The following JMY variants were observed in gnomAD, a reference collection of about 807,000 sequenced individuals.
JMY encodes junction mediating and regulatory protein, p53 cofactor.
Under a neutral mutation model 103.3 loss-of-function variants are expected in JMY, and 46 were observed. That is an observed-to-expected ratio of 0.45 (90% CI 0.35 to 0.57). The LOEUF (loss-of-function observed/expected upper bound fraction) is 0.57. Among genes scored for constraint, JMY ranks in the 20% least tolerant of loss-of-function variants. The probability of loss-of-function intolerance (pLI) is 0.00; values close to 1 mark genes in which losing one functional copy is unlikely to be tolerated. For missense variants in JMY, 1,238 were observed against 1,255.2 expected, an observed-to-expected ratio of 0.99 and a Z score of 0.21; for synonymous variants, 526 against 489.3, an observed-to-expected ratio of 1.07 and a Z score of -0.99.
intron 2 of JMY, among the ~76,000 whole-genome samples, chr5:79,278,867 G>A (rs34523822): frequency 0.056 from 8,407 of 150,232 alleles, 533 homozygotes; most frequent in African/African-American, 0.15. Flanking sequence ...GGGCTCAAGC[G>A]ATTTGCCCAC....
In JMY at chr5:79,311,148, CTTT is replaced by C. The variant is rs35187257; in HGVS notation, c.1969-1240_1969-1238del. 4.0e-4 allele frequency among the ~76,000 whole-genome samples: 50 copies of C among 126,134 alleles called. No individual in the cohort carries two copies. The South Asian group carries it at 8.4e-3, about 21-fold the overall frequency. 82.7% of individuals were successfully genotyped at this position (126,134 alleles called of 152,430 possible). On this transcript the variant is annotated intron_variant, in intron 7 of 10. Coordinates refer to ENST00000396137, the MANE Select transcript of JMY (RefSeq NM_152405.5). ...TCAGAAAATTAGCCTACCACACCTT[CTTT>C]TTTTTTTTTTTTTTGGTAGAGATAG...
chr5:79,251,514 G>A (rs576808404), intron 1 of JMY, among the ~76,000 whole-genome samples: 32 of 152,078 alleles, frequency 2.1e-4, no homozygotes, highest in Non-Finnish European at 4.3e-4. Context: ...TAGGGAATCC[G>A]TCCCCTCAAG....
At chr5:79,300,908 A>G in intron 6 of JMY, 45 bp downstream of exon 6, 2 of 1,442,584 alleles carry the variant, frequency 1.4e-6, no homozygotes, top group Admixed American at 2.3e-5. Flanking sequence ...TTTTATCCGT[A>G]TCTACTAATC....
At chr5:79,278,635 G>A (rs1417191370) in intron 2 of JMY, among the ~76,000 whole-genome samples, 1 of 150,364 alleles carries the variant, frequency 6.7e-6, no homozygotes, top group Admixed American at 6.6e-5. Flanking sequence ...GGATGTGGTG[G>A]CACATGCCTA....
rs575484265 is a variant in JMY, at chr5:79,261,103, T to C, written c.1033-16807T>C. Among the ~76,000 whole-genome samples, 3 of 152,314 alleles carry C rather than the reference T, an allele frequency of 2.0e-5. No homozygotes were observed. The South Asian group carries it at 6.2e-4, about 32-fold the overall frequency. ...CAAAGGGAAAAGTTAAGCTGGGAAC[T>C]GGGTCACACAAACCTGTCCCTTTTG... On this transcript the variant is annotated intron_variant, in intron 1 of 10. Coordinates refer to ENST00000396137, the MANE Select transcript of JMY (RefSeq NM_152405.5).
intron 1 of JMY, among the ~76,000 whole-genome samples, chr5:79,277,034 G>A (rs1408075391): frequency 6.6e-6 from 1 of 152,066 alleles, no homozygotes; most frequent in Non-Finnish European, 1.5e-5. Flanking sequence ...ACTGCACCTG[G>A]CCTCATTCTT....
At chr5:79,249,980 C>T (rs1445348472) in intron 1 of JMY, among the ~76,000 whole-genome samples, 2 of 152,292 alleles carry the variant, frequency 1.3e-5, no homozygotes, top group African/African-American at 4.8e-5. Flanking sequence ...TAACTATATA[C>T]CTACATCATA....
intron 1 of JMY, among the ~76,000 whole-genome samples, chr5:79,243,550 T>C (rs1005596891): frequency 3.9e-5 from 6 of 152,196 alleles, no homozygotes; most frequent in African/African-American, 1.4e-4. Flanking sequence ...TGAGGACATA[T>C]GGGAGCTGTA....
At chr5:79,246,738 G>A (rs1744916424) in intron 1 of JMY, among the ~76,000 whole-genome samples, 1 of 152,056 alleles carries the variant, frequency 6.6e-6, no homozygotes, top group African/African-American at 2.4e-5. Context: ...AAAATTAGCT[G>A]GGTGTGGTGT....
intron 1 of JMY, among the ~76,000 whole-genome samples, chr5:79,276,554 G>T (rs1745942203): frequency 6.6e-6 from 1 of 151,966 alleles, no homozygotes; most frequent in Admixed American, 6.6e-5. Flanking sequence ...GCCTCCCATA[G>T]CTGGGACTAT....
At position 79,237,123 on chromosome 5, in the gene JMY, A is replaced by T. The variant is rs1368784338; in HGVS notation, c.473A>T (p.Asp158Val). ...PIPGQKTSEA[D>V]DAAGAAAAAA... ...CCGGGTCAGAAAACATCTGAAGCCGACGATGCGGCGGGGGCAGCCGCTGCA... is the reference window on the plus strand; with the variant it reads ...CCGGGTCAGAAAACATCTGAAGCCGTCGATGCGGCGGGGGCAGCCGCTGCA... The change falls in exon 1 of 11, where the codon GAC becomes GTC. Residue 158 changes from aspartate to valine, a missense_variant. Transcript: ENST00000396137. The T allele has an allele frequency of 5.8e-6, 9 of 1,548,520 alleles. No homozygotes were observed. Among genetic ancestry groups the T allele is most frequent in the Non-Finnish European group, 7.9e-6 (9 of 1,145,858 alleles).
chr5:79,270,383 TTACA>T (rs1456125200), intron 1 of JMY, among the ~76,000 whole-genome samples: 1,829 of 122,446 alleles, frequency 0.015, 40 homozygotes, highest in African/African-American at 0.03. Flanking sequence ...ACATAAATAT[TTACA>T]TAAAATATAT....
chr5:79,277,849 G>A, intron 1 of JMY, 61 bp from the exon 2 acceptor site: 1 of 1,484,420 alleles, frequency 6.7e-7, no homozygotes, highest in Non-Finnish European at 9.2e-7. Context: ...AGAGTTCAAA[G>A]CAAGTATTTA....
chr5:79,240,965 CTTGAGGATATGTTACTT>C (rs1329580298), intron 1 of JMY, among the ~76,000 whole-genome samples: 4 of 152,138 alleles, frequency 2.6e-5, no homozygotes, highest in African/African-American at 7.2e-5. Flanking sequence ...CAAATGCATT[CTTGAGGATATGTTACTT>C]TTGAGGATAT....
chr5:79,237,176 C>T lies in JMY; in HGVS notation c.526C>T (p.Gln176Ter). The T allele has an allele frequency of 6.5e-7, 1 of 1,550,000 alleles. No individual in the cohort carries two copies. The highest frequency in any genetic ancestry group is 8.7e-7 in the Non-Finnish European group (1 of 1,146,640). ...AGCCCGGCCGGCGCCCAGAGAGGCC[C>T]AGGTGTCCTCTGTACGGATAGTGAG... ...AAARPAPREA[Q>*]VSSVRIVSAS... The change falls in exon 1 of 11, where the codon CAG (glutamine) becomes TAG (stop). Residue 176 changes from glutamine to a stop codon, truncating the protein, a stop_gained. Transcript: ENST00000396137. LOFTEE classifies it high-confidence loss of function.
At chr5:79,300,948 T>A in intron 6 of JMY, 85 bp downstream of exon 6, 3 of 1,183,698 alleles carry the variant, frequency 2.5e-6, no homozygotes, top group Non-Finnish European at 3.5e-6. Flanking sequence ...AACTTGCTTA[T>A]GTTTTAAAAC....
intron 2 of JMY, among the ~76,000 whole-genome samples, chr5:79,280,105 A>G (rs188004938): frequency 6.6e-6 from 1 of 152,228 alleles, no homozygotes; most frequent in Non-Finnish European, 1.5e-5. Context: ...TGATTGCCCA[A>G]AGTGCTGGGA....
chr5:79,310,245 T>C (rs1747008597), intron 7 of JMY, among the ~76,000 whole-genome samples: 1 of 151,712 alleles, frequency 6.6e-6, no homozygotes, highest in Non-Finnish European at 1.5e-5. Flanking sequence ...GTATTTTTAG[T>C]AGATGGGGTT....
Position 79,280,797 on chromosome 5 carries a change from A to T in JMY, c.1206+2714A>T, listed in dbSNP as rs1431479247. Among the ~76,000 whole-genome samples the T allele has an allele frequency of 2.6e-5, 4 of 152,168 alleles. No homozygotes were observed. The East Asian group carries it at 7.7e-4, about 29-fold the overall frequency. On this transcript the variant is annotated intron_variant, in intron 2 of 10. Transcript: ENST00000396137. ...GATAATTATGTACTTGTTCACAGCT[A>T]ATTTGTAAGTGGTAGAACTGATACA...
Sources: allele counts gnomAD v4.1 joint callset (sites outside exome capture counted in the v4.1 genomes callset), GRCh38; gene constraint gnomAD v4.1.1; transcripts MANE v1.5; gene names NCBI Gene and HGNC (gene_info 2026-07-23, HGNC 2026-07-21).